The following BNC2 variants were observed in gnomAD, a reference collection of about 807,000 sequenced individuals.
BNC2 encodes zinc finger protein basonuclin-2.
Under a neutral mutation model 76.3 loss-of-function variants are expected in BNC2, and 20 were observed. That is an observed-to-expected ratio of 0.26 (90% confidence interval 0.18 to 0.38). The LOEUF (loss-of-function observed/expected upper bound fraction) is 0.38, where lower values mean the gene tolerates loss of function less well. Ranked by LOEUF, BNC2 falls within the 10% of genes least tolerant of loss-of-function variation. The pLI is 1.00. For synonymous variants in BNC2, 582 were observed against 514.8 expected (o/e 1.13, Z -1.77); for missense variants, 1,382 against 1,399.8 (o/e 0.99, Z 0.20).
chr9:16,419,476 G>A lies in BNC2; in HGVS notation c.2813C>T (p.Pro938Leu). The A allele has an allele frequency of 6.2e-7, 1 of 1,614,086 alleles. No homozygotes were observed. The highest frequency in any genetic ancestry group is 8.5e-7 in the Non-Finnish European group (1 of 1,179,988). Reference protein sequence around the residue: ...GLDVREDASSPAGTEDSHLNG... With the variant: ...GLDVREDASSLAGTEDSHLNG... ...CAGGTGGGAGTCTTCAGTCCCTGCGGGAGAGGAGGCGTCTTCCCTGACATC... is the reference window on the plus strand; with the variant it reads ...CAGGTGGGAGTCTTCAGTCCCTGCGAGAGAGGAGGCGTCTTCCCTGACATC... Residue 938 changes from proline (P) to leucine (L), a missense_variant, in exon 7 of 7, where the codon CCC (proline) becomes CTC (leucine). By Grantham distance (98) the Pro-to-Leu change is moderately conservative. Transcript: ENST00000380672.
intron 3 of BNC2, among the ~76,000 whole-genome samples, chr9:16,685,803 C>T (rs1822960884): frequency 6.6e-6 from 1 of 152,128 alleles, no homozygotes; most frequent in African/African-American, 2.4e-5. Flanking sequence ...TACCATGTAA[C>T]AAAGTTTATT....
intron 3 of BNC2, among the ~76,000 whole-genome samples, chr9:16,589,493 C>T (rs1284210019): frequency 1.5e-5 from 1 of 66,724 alleles, no homozygotes; most frequent in African/African-American, 4.1e-5. Flanking sequence ...GCCTAAAAGC[C>T]ATTTTTTGTT....
At chr9:16,774,939 C>G (rs1035813543) in intron 1 of BNC2, among the ~76,000 whole-genome samples, 16 of 152,088 alleles carry the variant, frequency 1.1e-4, no homozygotes, top group African/African-American at 3.4e-4. Context: ...TTTGCTTTTA[C>G]TAAAATATGC....
chr9:16,840,892 T>G (rs1818807849), intron 1 of BNC2, among the ~76,000 whole-genome samples: 1 of 152,168 alleles, frequency 6.6e-6, no homozygotes, highest in African/African-American at 2.4e-5. Flanking sequence ...TTTTGGCCAC[T>G]CCACAATAAA....
rs1554722597 is a variant in BNC2, at chr9:16,751,612, A to ATATG, written c.4-13131_4-13128dup. Among the ~76,000 whole-genome samples the ATATG allele has an allele frequency of 2.4e-3, 340 of 140,874 alleles. 2 individuals are homozygous for ATATG. Among genetic ancestry groups the ATATG allele is most frequent in the South Asian group, 9.2e-3 (41 of 4,468 alleles). The allele number at this position is 140,874 out of a possible 152,430, so 92.4% of individuals were successfully genotyped here. ...GCTGCTGTCCCCAGCACAAATATAT[A>ATATG]TATGTGTATATATATATGTATGTAT... On this transcript the variant is annotated intron_variant, in intron 1 of 6. Coordinates refer to ENST00000380672, the MANE Select transcript of BNC2 (RefSeq NM_017637.6).
rs897725267 is a variant in BNC2, at chr9:16,832,408, GTTCCT to G, written c.3+38233_3+38237del. The G allele has an allele frequency of 1.8e-5, 13 of 712,646 alleles. No individual in the cohort carries two copies. The African/African-American group carries it at 2.5e-4, about 14-fold the overall frequency. The allele number at this position is 712,646 out of a possible 1,614,324, so 44.1% of individuals were successfully genotyped here. A position where few individuals can be genotyped will look rare whatever the true frequency, so the allele number is the denominator to read the frequency against. ...TGCCCAGTTTTAGAGGCCTAGAAGA[GTTCCT>G]TTCAAGAACATAGCTACAAGACTTG... On this transcript the variant is annotated intron_variant, in intron 1 of 6. Transcript: ENST00000380672.
intron 5 of BNC2, among the ~76,000 whole-genome samples, chr9:16,447,347 T>C (rs1216244736): frequency 1.3e-5 from 2 of 151,330 alleles, no homozygotes; most frequent in East Asian, 3.9e-4. Flanking sequence ...TAAAGAGGAG[T>C]CATACTAAAA....
intron 1 of BNC2, among the ~76,000 whole-genome samples, chr9:16,863,806 A>G (rs1314274525): frequency 6.6e-6 from 1 of 152,268 alleles, no homozygotes; most frequent in East Asian, 1.9e-4. Flanking sequence ...AGTCATTAAC[A>G]TATTTGAAAA....
intron 5 of BNC2, among the ~76,000 whole-genome samples, chr9:16,505,627 G>C (rs532860717): frequency 6.6e-6 from 1 of 152,188 alleles, no homozygotes; most frequent in South Asian, 2.1e-4. Context: ...AAAGAAAATA[G>C]TGCTTTAAGT....
rs139869937 is a variant in BNC2 at position 16,782,026 on chromosome 9, C to A, written c.4-43541G>T. 1.4e-4 allele frequency among the ~76,000 whole-genome samples: 21 copies of A among 152,066 alleles called. No individual in the cohort carries two copies. The East Asian group carries it at 4.1e-3, about 29-fold the overall frequency. ...TATAGGCTGGGCGTGGTGGCTCATGCCTGTAATCTCAACACTTTGGGAGGC... is the reference window on the plus strand; with the variant it reads ...TATAGGCTGGGCGTGGTGGCTCATGACTGTAATCTCAACACTTTGGGAGGC... On this transcript the variant is annotated intron_variant, in intron 1 of 6. Coordinates refer to ENST00000380672, the MANE Select transcript of BNC2 (RefSeq NM_017637.6).
intron 3 of BNC2, among the ~76,000 whole-genome samples, chr9:16,677,673 C>T (rs187721858): frequency 6.6e-6 from 1 of 151,654 alleles, no homozygotes; most frequent in African/African-American, 2.4e-5. Context: ...AGGGGAAACA[C>T]AAGTGTTTCA....
At chr9:16,823,766 C>A (rs1458778159) in intron 1 of BNC2, among the ~76,000 whole-genome samples, 2 of 152,080 alleles carry the variant, frequency 1.3e-5, no homozygotes, top group African/African-American at 2.4e-5. Context: ...ACCCAGAAAG[C>A]AGAACTATGA....
chr9:16,843,155 G>A (rs1326813683), intron 1 of BNC2, among the ~76,000 whole-genome samples: 3 of 152,156 alleles, frequency 2.0e-5, no homozygotes, highest in Non-Finnish European at 2.9e-5. Context: ...CTGATGGAGA[G>A]ATAGATGAAT....
chr9:16,632,168 T>C (rs1821180271), intron 3 of BNC2, among the ~76,000 whole-genome samples: 1 of 152,186 alleles, frequency 6.6e-6, no homozygotes, highest in East Asian at 1.9e-4. Context: ...CCATGTCATC[T>C]TGCATATGAT....
intron 3 of BNC2, among the ~76,000 whole-genome samples, chr9:16,672,533 A>G (rs1453745745): frequency 6.6e-6 from 1 of 152,108 alleles, no homozygotes; most frequent in Non-Finnish European, 1.5e-5. Flanking sequence ...CTATAGACCA[A>G]TCCAGAGCAA....
chr9:16,435,523 C>A, intron 6 of BNC2, 32 bp downstream of exon 6: 4 of 1,612,192 alleles, frequency 2.5e-6, no homozygotes, highest in Non-Finnish European at 3.4e-6. Context: ...CCCTCCACCC[C>A]CAGCAGGAGC....
At position 16,416,692 on chromosome 9, in the gene BNC2, T is replaced by C. The variant is rs1274317950; in HGVS notation, c.*2297A>G. The C allele has an allele frequency of 6.6e-6, 1 of 152,634 alleles. No homozygotes were observed. Among genetic ancestry groups the C allele is most frequent in the East Asian group, 1.9e-4 (1 of 5,206 alleles). 9.5% of individuals were successfully genotyped at this position (152,634 alleles called of 1,614,324 possible). A position where few individuals can be genotyped will look rare whatever the true frequency, so the allele number is the denominator to read the frequency against. On this transcript the variant is annotated 3_prime_UTR_variant, in exon 7 of 7. Transcript: ENST00000380672. Reference sequence around the variant, plus strand: ...TCCTCCCCGTAGAACAAATGAAGAATTAAAATGGACCCCATAGCATCCTCT... The same window carrying C: ...TCCTCCCCGTAGAACAAATGAAGAACTAAAATGGACCCCATAGCATCCTCT...
At chr9:16,627,321 T>C (rs1239181817) in intron 3 of BNC2, among the ~76,000 whole-genome samples, 1 of 152,088 alleles carries the variant, frequency 6.6e-6, no homozygotes, top group Non-Finnish European at 1.5e-5. Context: ...ACAACTCCAG[T>C]GTCAGAATGA....
chr9:16,821,017 G>A (rs1253146693), intron 1 of BNC2, among the ~76,000 whole-genome samples: 4 of 152,178 alleles, frequency 2.6e-5, no homozygotes, highest in Middle Eastern at 3.4e-3. Context: ...TGGATCACTT[G>A]AGGCCAGGAA....
Sources: gnomAD v4.1 joint callset for allele counts (sites outside exome capture counted in the v4.1 genomes callset) on GRCh38, gnomAD v4.1.1 for gene constraint, MANE v1.5 for transcripts, NCBI Gene and HGNC (gene_info 2026-07-23, HGNC 2026-07-21) for gene names.